The following FAT3 variants were observed in gnomAD, a reference collection of about 807,000 sequenced individuals.
FAT3 encodes the protein FAT atypical cadherin 3.
A neutral mutation model predicts 310.2 loss-of-function variants in FAT3; 95 were observed. That is an observed-to-expected ratio of 0.31 (90% CI 0.26 to 0.36). The LOEUF is 0.36. Among genes scored for constraint, FAT3 ranks in the 10% least tolerant of loss-of-function variants. The pLI, the probability that FAT3 is intolerant of heterozygous loss-of-function variation, is 1.00. For synonymous variants in FAT3, 2,314 were observed against 2,192.9 expected (o/e 1.06, Z -1.54); for missense variants, 5,408 against 5,715.6 (o/e 0.95, Z 1.74).
intron 4 of FAT3, among the ~76,000 whole-genome samples, chr11:92,724,351 T>C (rs1944939561): frequency 6.6e-6 from 1 of 152,136 alleles, no homozygotes; most frequent in Admixed American, 6.5e-5. Context: ...AGGTTCAGGA[T>C]CTGGACTTGC....
At chr11:92,676,723 T>G (rs1268822225) in intron 3 of FAT3, among the ~76,000 whole-genome samples, 1 of 152,226 alleles carries the variant, frequency 6.6e-6, no homozygotes, top group South Asian at 2.1e-4. Context: ...TATTATTGTG[T>G]ATTATTTCTT....
intron 11 of FAT3, among the ~76,000 whole-genome samples, chr11:92,805,733 G>A (rs1947489749): frequency 6.6e-6 from 1 of 152,106 alleles, no homozygotes; most frequent in Admixed American, 6.5e-5. Flanking sequence ...TTGGTTAGTG[G>A]CAATGTTGGT....
intron 1 of FAT3, among the ~76,000 whole-genome samples, chr11:92,275,715 G>A (rs535879165): frequency 2.4e-4 from 36 of 152,170 alleles, no homozygotes; most frequent in African/African-American, 8.7e-4. Context: ...TTACTTTTCA[G>A]GAGCACATGA....
chr11:92,888,733 C>G (rs1949849988), intron 25 of FAT3, among the ~76,000 whole-genome samples: 2 of 152,288 alleles, frequency 1.3e-5, no homozygotes, highest in South Asian at 2.1e-4. Context: ...ATCAACCCTG[C>G]AAAGGTTATC....
intron 2 of FAT3, among the ~76,000 whole-genome samples, chr11:92,430,088 A>G (rs1591278796): frequency 6.6e-6 from 1 of 151,910 alleles, no homozygotes; most frequent in African/African-American, 2.4e-5. Flanking sequence ...TTCATTCTTT[A>G]TTCTCTAATC....
chr11:92,338,833 C>T (rs970137737), intron 1 of FAT3, among the ~76,000 whole-genome samples: 14 of 152,272 alleles, frequency 9.2e-5, no homozygotes, highest in Non-Finnish European at 2.1e-4. Flanking sequence ...GGTTCTACCA[C>T]CAAGAGGTGA....
At chr11:92,431,439 A>C (rs1408103059) in intron 2 of FAT3, among the ~76,000 whole-genome samples, 1 of 152,136 alleles carries the variant, frequency 6.6e-6, no homozygotes, top group Non-Finnish European at 1.5e-5. Flanking sequence ...AGATTGCAAA[A>C]ATTTTCTCCT....
chr11:92,611,385 G>T lies in FAT3; in HGVS notation c.3608-85999G>T, dbSNP rs543490650. Among the ~76,000 whole-genome samples, 20 of 152,270 alleles carry T rather than the reference G, an allele frequency of 1.3e-4. 1 individual carries two copies. In the South Asian group the frequency reaches 4.1e-3, roughly 32 times the overall value. ...TTCCTCTGACTCCTCCTTCCAAATT[G>T]TTGGGATTGCAGGCATGAGCCACTA... On this transcript the variant is annotated intron_variant, in intron 3 of 27. Transcript: ENST00000525166.
chr11:92,705,903 GATGGTGGTGGTT>G (rs1944325297), intron 4 of FAT3, among the ~76,000 whole-genome samples: 3 of 78,486 alleles, frequency 3.8e-5, no homozygotes, highest in African/African-American at 1.4e-4. Flanking sequence ...TGGTGGTGGT[GATGGTGGTGGTT>G]TGATGGTGGT....
intron 3 of FAT3, among the ~76,000 whole-genome samples, chr11:92,541,569 AAATT>A (rs1357961137): frequency 1.3e-5 from 2 of 152,164 alleles, no homozygotes; most frequent in East Asian, 3.9e-4. Flanking sequence ...TCATAAAAGA[AAATT>A]AAGAGATCAT....
intron 13 of FAT3, among the ~76,000 whole-genome samples, chr11:92,818,255 A>G (rs1218034219): frequency 6.6e-6 from 1 of 152,116 alleles, no homozygotes. Flanking sequence ...TCTATAAGGG[A>G]CTTTACTAAA....
intron 1 of FAT3, among the ~76,000 whole-genome samples, chr11:92,332,065 T>C (rs2134541317): frequency 6.6e-6 from 1 of 152,338 alleles, no homozygotes; most frequent in South Asian, 2.1e-4. Flanking sequence ...AACCTGATCA[T>C]TAAAGGAAAA....
chr11:92,353,844 T>C lies in FAT3; in HGVS notation c.1732T>C (p.Phe578Leu). ...AAATGTCAACGACAACAGCCCTCTC[T>C]TTGAAAAAGTGGCTTGCCAGGGAGT... Reference protein sequence around the residue: ...IGNVNDNSPLFEKVACQGVIS... With the variant: ...IGNVNDNSPLLEKVACQGVIS... Residue 578 changes from phenylalanine (F) to leucine (L), a missense_variant, in exon 2 of 28, where the codon TTT becomes CTT. By Grantham distance (22) the Phe-to-Leu change is conservative (BLOSUM62 0). Coordinates refer to ENST00000525166, the MANE Select transcript of FAT3 (RefSeq NM_001367949.2). 6.2e-7 allele frequency: 1 copy of C among 1,613,750 alleles called. No individual in the cohort carries two copies. The highest frequency in any genetic ancestry group is 8.5e-7 in the Non-Finnish European group (1 of 1,179,806).
At chr11:92,857,503 A>G (rs1206760724) in intron 20 of FAT3, among the ~76,000 whole-genome samples, 155 bp downstream of exon 20, 1 of 152,206 alleles carries the variant, frequency 6.6e-6, no homozygotes, top group Non-Finnish European at 1.5e-5. Context: ...CCACACTCAC[A>G]TTTACTTAGG....
rs117827432 is a variant in FAT3 at position 92,355,438 on chromosome 11, T to G, written c.3292+34T>G. 486 of 1,569,868 alleles carry G rather than the reference T, an allele frequency of 3.1e-4. 1 individual carries two copies. The East Asian group carries it at 6.5e-3, about 21-fold the overall frequency. ...AATATTTTGTGCCAAGAGTGTTGTTTCACCTCTTTTAAATGGTCAACAGTG... is the reference window on the plus strand; with the variant it reads ...AATATTTTGTGCCAAGAGTGTTGTTGCACCTCTTTTAAATGGTCAACAGTG... On this transcript the variant is annotated intron_variant, in intron 2 of 27. Transcript: ENST00000525166.
intron 3 of FAT3, among the ~76,000 whole-genome samples, chr11:92,685,174 T>C (rs1252791911): frequency 6.6e-6 from 1 of 152,192 alleles, no homozygotes; most frequent in East Asian, 1.9e-4. Context: ...ACATGACAGA[T>C]TCTTGTTTAA....
chr11:92,754,258 G>GT (rs1393065800), intron 4 of FAT3, among the ~76,000 whole-genome samples: 2 of 151,970 alleles, frequency 1.3e-5, no homozygotes, highest in African/African-American at 4.8e-5. Flanking sequence ...TGGAAACAAC[G>GT]TAACTGTCCA....
chr11:92,629,967 T>C (rs1403708005), intron 3 of FAT3, among the ~76,000 whole-genome samples: 1 of 152,032 alleles, frequency 6.6e-6, no homozygotes, highest in African/African-American at 2.4e-5. Flanking sequence ...CAAATCTTTG[T>C]TTTTTTTAGC....
intron 3 of FAT3, among the ~76,000 whole-genome samples, chr11:92,671,043 T>C (rs979581800): frequency 1.3e-5 from 2 of 151,818 alleles, no homozygotes; most frequent in African/African-American, 4.9e-5. Context: ...TTTTTGTTTT[T>C]TGTTTTTTGT....
Sources: allele counts gnomAD v4.1 joint callset (sites outside exome capture counted in the v4.1 genomes callset), GRCh38; gene constraint gnomAD v4.1.1; transcripts MANE v1.5; gene names NCBI Gene and HGNC (gene_info 2026-07-23, HGNC 2026-07-21).